Variants in RTN1 observed in about 807,000 individuals in gnomAD.
RTN1 encodes reticulon 1.
In RTN1, 25 loss-of-function variants were observed where a neutral mutation model predicts 65.5. That is an observed-to-expected ratio of 0.38 (90% CI 0.28 to 0.53). The LOEUF (loss-of-function observed/expected upper bound fraction) is 0.53, where lower values mean the gene tolerates loss of function less well. Ranked by LOEUF, RTN1 falls within the 20% of genes least tolerant of loss-of-function variation. The probability of loss-of-function intolerance (pLI) is 0.79; values close to 1 mark genes in which losing one functional copy is unlikely to be tolerated. For synonymous variants in RTN1, 471 were observed against 447.6 expected (o/e 1.05, Z -0.66); for missense variants, 983 against 1,025.4 (o/e 0.96, Z 0.57).
chr14:59,621,712 T>A (rs538024066), intron 3 of RTN1, among the ~76,000 whole-genome samples: 1 of 152,368 alleles, frequency 6.6e-6, no homozygotes, highest in South Asian at 2.1e-4. Context: ...ATGTCAAATT[T>A]CTAGAAAGAA....
intron 3 of RTN1, among the ~76,000 whole-genome samples, chr14:59,650,297 C>T (rs1882995709): frequency 6.6e-6 from 1 of 152,116 alleles, no homozygotes; most frequent in East Asian, 1.9e-4. Context: ...ATATCTAATA[C>T]ATGCAGGGCT....
chr14:59,657,219 G>A (rs1460958555), intron 3 of RTN1, among the ~76,000 whole-genome samples: 1 of 152,090 alleles, frequency 6.6e-6, no homozygotes, highest in Non-Finnish European at 1.5e-5. Context: ...GACCAGCCTG[G>A]CCTACATGGT....
At chr14:59,817,093 A>G (rs1354230098) in intron 1 of RTN1, among the ~76,000 whole-genome samples, 1 of 151,388 alleles carries the variant, frequency 6.6e-6, no homozygotes, top group Non-Finnish European at 1.5e-5. Context: ...TTTTTTTCCT[A>G]CTTATTCAGG....
At chr14:59,662,402 C>A (rs1314177088) in intron 3 of RTN1, among the ~76,000 whole-genome samples, 1 of 146,814 alleles carries the variant, frequency 6.8e-6, no homozygotes, top group East Asian at 2.1e-4. Flanking sequence ...TGAGTGAGAA[C>A]ATGCGGTGTT....
chr14:59,820,271 C>T (rs56780665), intron 1 of RTN1, among the ~76,000 whole-genome samples: 1 of 144,250 alleles, frequency 6.9e-6, no homozygotes, highest in Non-Finnish European at 1.5e-5. Flanking sequence ...GTTTATGCTT[C>T]TTAGAGATTC....
In RTN1 at chr14:59,825,772, A is replaced by G. The variant is rs1455220912; in HGVS notation, c.241+44618T>C. On this transcript the variant is annotated intron_variant, in intron 1 of 8. Coordinates refer to ENST00000267484, the MANE Select transcript of RTN1 (RefSeq NM_021136.3). This position sits in a 1 kb window ranked among gnomAD's most constrained non-coding sequence, Gnocchi z 4.2. Reference sequence around the variant, plus strand: ...CTCTCCATTTTAGAGAAAATAAAACATAGACCTCGGGTATGCCATAGAAAC... The same window carrying G: ...CTCTCCATTTTAGAGAAAATAAAACGTAGACCTCGGGTATGCCATAGAAAC... 6.6e-6 allele frequency among the ~76,000 whole-genome samples: 1 copy of G among 152,236 alleles called. No homozygotes were observed. Among genetic ancestry groups the G allele is most frequent in the African/African-American group, 2.4e-5 (1 of 41,468 alleles).
chr14:59,609,299 T>C (rs779477711), intron 3 of RTN1, among the ~76,000 whole-genome samples: 2 of 148,490 alleles, frequency 1.3e-5, no homozygotes, highest in Non-Finnish European at 3.0e-5. Context: ...AAAAAAAAAA[T>C]TCATTCATTC....
At chr14:59,777,919 T>G (rs371237458) in intron 1 of RTN1, among the ~76,000 whole-genome samples, 1 of 152,036 alleles carries the variant, frequency 6.6e-6, no homozygotes, top group African/African-American at 2.4e-5. Context: ...CAGGGTGGCA[T>G]GATGCAGCCT....
At chr14:59,750,880 A>G (rs1594724000) in intron 1 of RTN1, among the ~76,000 whole-genome samples, 1 of 148,398 alleles carries the variant, frequency 6.7e-6, no homozygotes, top group East Asian at 2.0e-4. Context: ...TGACTGGCTA[A>G]TTTTGTTTTC....
At chr14:59,834,012 A>C (rs1167839552) in intron 1 of RTN1, among the ~76,000 whole-genome samples, 18 of 152,194 alleles carry the variant, frequency 1.2e-4, no homozygotes, top group Admixed American at 1.2e-3. Flanking sequence ...TGTTTGCCTA[A>C]AGATAGATAG....
At chr14:59,834,982 C>G (rs1430648694) in intron 1 of RTN1, among the ~76,000 whole-genome samples, 1 of 152,142 alleles carries the variant, frequency 6.6e-6, no homozygotes, top group Non-Finnish European at 1.5e-5. Flanking sequence ...CTTTATGATC[C>G]AGCCATTCTA....
At chr14:59,669,627 A>G (rs1313995791) in intron 3 of RTN1, among the ~76,000 whole-genome samples, 3 of 152,094 alleles carry the variant, frequency 2.0e-5, no homozygotes, top group Non-Finnish European at 4.4e-5. Flanking sequence ...AAAATAAAAA[A>G]AAGAACTGTT....
At chr14:59,765,547 G>A (rs1321665161) in intron 1 of RTN1, among the ~76,000 whole-genome samples, 2 of 152,204 alleles carry the variant, frequency 1.3e-5, no homozygotes, top group Non-Finnish European at 1.5e-5. Flanking sequence ...AATCTGTGAT[G>A]TTTGAAGGCA....
intron 1 of RTN1, among the ~76,000 whole-genome samples, chr14:59,771,039 C>T (rs36058267): frequency 0.29 from 43,336 of 149,584 alleles, 7,240 homozygotes; most frequent in Admixed American, 0.42. Flanking sequence ...AGTGAGACTC[C>T]GTCTCAAAAA....
Position 59,794,040 on chromosome 14 carries a change from A to C in RTN1, c.242-47559T>G, listed in dbSNP as rs942326081. Reference sequence around the variant, plus strand: ...CCTCTCCCACTGAGTACCGGCCATGAATCTTGAGTTAGACTGACCCTTCCT... The same window carrying C: ...CCTCTCCCACTGAGTACCGGCCATGCATCTTGAGTTAGACTGACCCTTCCT... On this transcript the variant is annotated intron_variant, in intron 1 of 8. Transcript: ENST00000267484. This position sits in a 1 kb window ranked among gnomAD's most constrained non-coding sequence, Gnocchi z 5.1. 9.9e-5 allele frequency among the ~76,000 whole-genome samples: 15 copies of C among 152,246 alleles called. No individual in the cohort carries two copies. Among genetic ancestry groups the C allele is most frequent in the African/African-American group, 3.4e-4 (14 of 41,556 alleles).
intron 3 of RTN1, among the ~76,000 whole-genome samples, chr14:59,656,443 A>G (rs1414495244): frequency 6.6e-6 from 1 of 152,254 alleles, no homozygotes; most frequent in Non-Finnish European, 1.5e-5. Context: ...GCATCTCAAC[A>G]CAAGGCTTGG....
chr14:59,641,139 G>C (rs1033302456), intron 3 of RTN1, among the ~76,000 whole-genome samples: 2 of 151,634 alleles, frequency 1.3e-5, no homozygotes, highest in African/African-American at 4.8e-5. Flanking sequence ...TTTTGGGGGG[G>C]GTATTTTTTG....
chr14:59,664,541 A>G (rs1490089679), intron 3 of RTN1, among the ~76,000 whole-genome samples: 2 of 152,184 alleles, frequency 1.3e-5, no homozygotes, highest in Non-Finnish European at 2.9e-5. Flanking sequence ...TTTTTATTTA[A>G]TAGAGTCTTG....
intron 1 of RTN1, among the ~76,000 whole-genome samples, chr14:59,843,497 A>C (rs867440760): frequency 6.6e-6 from 1 of 152,380 alleles, no homozygotes; most frequent in Middle Eastern, 3.4e-3. Context: ...AATTAAGTTA[A>C]ATCACAGAAT....
Sources: gnomAD v4.1 joint callset for allele counts (sites outside exome capture counted in the v4.1 genomes callset) on GRCh38, gnomAD v4.1.1 for gene constraint, Gnocchi (gnomAD v3.1) non-coding constraint, MANE v1.5 for transcripts, NCBI Gene and HGNC (gene_info 2026-07-23, HGNC 2026-07-21) for gene names.